Variants in GRM8 observed in about 807,000 individuals in gnomAD.
GRM8 encodes the protein metabotropic glutamate receptor 8.
A neutral mutation model predicts 87.2 loss-of-function variants in GRM8; 47 were observed. The ratio of observed to expected loss-of-function variants is 0.54; its 90% CI spans 0.43 to 0.69. GRM8 has a LOEUF of 0.69. GRM8 is among the 30% of genes least tolerant of loss of function. The probability of loss-of-function intolerance (pLI) is 0.00; values close to 1 mark genes in which losing one functional copy is unlikely to be tolerated. For synonymous variants in GRM8, 396 were observed against 404.5 expected (o/e 0.98, Z 0.25); for missense variants, 1,019 against 1,139.2 (o/e 0.89, Z 1.52).
chr7:127,073,465 TC>T (rs1195635072), intron 3 of GRM8, among the ~76,000 whole-genome samples: 1 of 152,136 alleles, frequency 6.6e-6, no homozygotes, highest in Non-Finnish European at 1.5e-5. Context: ...CTGAGAAGCT[TC>T]CACTTACTCT....
At chr7:126,501,215 G>A (rs561902067) in intron 9 of GRM8, among the ~76,000 whole-genome samples, 2 of 152,130 alleles carry the variant, frequency 1.3e-5, no homozygotes, top group African/African-American at 4.8e-5. Flanking sequence ...ATTAAGTACA[G>A]AAGTGGAAAA....
At position 126,615,135 on chromosome 7, in the gene GRM8, T is replaced by C. The variant is rs1371613552; in HGVS notation, c.1358-5637A>G. ...AGGGCAGCCAGAGAGAAATGTAGGG[T>C]TACCCACAAAGGGAAACCAATTAGA... is the stretch of plus-strand genomic sequence containing the variant. On this transcript the variant is annotated intron_variant, in intron 7 of 10. Coordinates refer to ENST00000339582, the MANE Select transcript of GRM8 (RefSeq NM_000845.3). Among the ~76,000 whole-genome samples the C allele has an allele frequency of 2.0e-5, 3 of 151,748 alleles. No individual in the cohort carries two copies. In the East Asian group the frequency reaches 5.8e-4, roughly 29 times the overall value.
chr7:126,914,157 A>C (rs1803614811), intron 3 of GRM8, among the ~76,000 whole-genome samples: 1 of 152,242 alleles, frequency 6.6e-6, no homozygotes, highest in Non-Finnish European at 1.5e-5. Context: ...GGTGGCTAAC[A>C]AATATACGAA....
chr7:126,538,721 C>T (rs1816162478), intron 8 of GRM8, among the ~76,000 whole-genome samples: 1 of 151,942 alleles, frequency 6.6e-6, no homozygotes, highest in South Asian at 2.1e-4. Context: ...ACTGCATGTG[C>T]AATTACTTCC....
intron 7 of GRM8, among the ~76,000 whole-genome samples, chr7:126,670,666 G>A (rs957640516): frequency 4.6e-5 from 7 of 152,050 alleles, no homozygotes; most frequent in Admixed American, 6.6e-5. Flanking sequence ...TTGGAATAAA[G>A]GAAAAAGTAC....
At chr7:126,501,617 A>G (rs1411393573) in intron 9 of GRM8, among the ~76,000 whole-genome samples, 1 of 152,066 alleles carries the variant, frequency 6.6e-6, no homozygotes, top group Non-Finnish European at 1.5e-5. Context: ...ACAACATTAA[A>G]TAAGAGCAAA....
At position 127,013,254 on chromosome 7, in the gene GRM8, C is replaced by T. The variant is rs114301111; in HGVS notation, c.727+93242G>A. Among the ~76,000 whole-genome samples the T allele has an allele frequency of 2.3e-3, 350 of 152,240 alleles. 4 individuals carry two copies. Among genetic ancestry groups the T allele is most frequent in the African/African-American group, 8.1e-3 (335 of 41,570 alleles). On this transcript the variant is annotated intron_variant, in intron 3 of 10. Coordinates refer to ENST00000339582, the MANE Select transcript of GRM8 (RefSeq NM_000845.3). ...TTCAAGTGATGCCCATTCTGGGCTT[C>T]CCAATCCAGTTTTCTCTGAGCTGTT...
intron 8 of GRM8, among the ~76,000 whole-genome samples, chr7:126,589,620 C>T (rs997620293): frequency 7.2e-5 from 11 of 152,212 alleles, no homozygotes; most frequent in Non-Finnish European, 1.0e-4. Context: ...TATACTACCA[C>T]GGCTCATGCT....
chr7:126,744,612 AC>A (rs1422880408), intron 7 of GRM8, among the ~76,000 whole-genome samples: 3 of 152,064 alleles, frequency 2.0e-5, no homozygotes, highest in Admixed American at 2.0e-4. Context: ...CACAACATAG[AC>A]CAATGAATTT....
intron 7 of GRM8, among the ~76,000 whole-genome samples, chr7:126,727,119 T>C (rs1813078887): frequency 6.6e-6 from 1 of 151,748 alleles, no homozygotes; most frequent in African/African-American, 2.4e-5. Flanking sequence ...TCTAAATATA[T>C]TTAAACCAAA....
At chr7:127,154,233 T>A (rs932469010) in intron 2 of GRM8, among the ~76,000 whole-genome samples, 1 of 152,072 alleles carries the variant, frequency 6.6e-6, no homozygotes, top group South Asian at 2.1e-4. Flanking sequence ...AAATAATAAA[T>A]CACGCCTAGC....
intron 7 of GRM8, among the ~76,000 whole-genome samples, chr7:126,726,243 G>C (rs750562898): frequency 2.0e-5 from 3 of 151,796 alleles, no homozygotes; most frequent in Non-Finnish European, 4.4e-5. Context: ...GTAGAGGATA[G>C]GGAAGTCCCC....
At chr7:126,909,320 C>G (rs1454771674) in intron 3 of GRM8, among the ~76,000 whole-genome samples, 1 of 152,272 alleles carries the variant, frequency 6.6e-6, no homozygotes, top group African/African-American at 2.4e-5. Flanking sequence ...CTCAAAGATA[C>G]GTTTTCCATA....
At chr7:126,538,630 T>C (rs183744460) in intron 8 of GRM8, among the ~76,000 whole-genome samples, 41 of 152,196 alleles carry the variant, frequency 2.7e-4, no homozygotes, top group Admixed American at 3.3e-4. Flanking sequence ...TTGTTAATTA[T>C]TATTAATTAA....
In GRM8 at chr7:127,243,088, G is replaced by A. The variant is rs1255428121; in HGVS notation, c.117C>T (p.Ser39=). 1.2e-6 allele frequency: 2 copies of A among 1,613,846 alleles called. No individual in the cohort carries two copies. The highest frequency in any genetic ancestry group is 2.7e-5 in the African/African-American group (2 of 74,892). The change falls in exon 2 of 11, where the codon TCC becomes TCT. Residue 39 remains serine (S), a synonymous_variant. Coordinates refer to ENST00000339582, the MANE Select transcript of GRM8 (RefSeq NM_000845.3). The part of the protein sequence containing the change: ...QRTHSQEYAH[S]IRVDGDIILG... ...AAATAATGTCCCCATCCACCCGTAT[G>A]GAATGGGCATACTCCTGGCTGTGAG...
chr7:126,793,908 T>G (rs1821649708), intron 6 of GRM8, among the ~76,000 whole-genome samples: 1 of 152,130 alleles, frequency 6.6e-6, no homozygotes, highest in South Asian at 2.1e-4. Context: ...TCTACTAATA[T>G]AAAATGGGCT....
rs181595322 is a variant in GRM8 at position 126,831,595 on chromosome 7, C to T, written c.1157-61530G>A. On this transcript the variant is annotated intron_variant, in intron 6 of 10. Coordinates refer to ENST00000339582, the MANE Select transcript of GRM8 (RefSeq NM_000845.3). ...TGGGAGTGGCCCAGTTTTCCAGGTG[C>T]CGTCTGTCACCCCTTTCCTTGACCA... Among the ~76,000 whole-genome samples, 4 of 152,302 alleles carry T rather than the reference C, an allele frequency of 2.6e-5. No individual in the cohort carries two copies. The East Asian group carries it at 5.8e-4, about 22-fold the overall frequency.
At chr7:126,648,086 C>T (rs758372020) in intron 7 of GRM8, among the ~76,000 whole-genome samples, 32 of 152,076 alleles carry the variant, frequency 2.1e-4, no homozygotes, top group Non-Finnish European at 4.4e-4. Flanking sequence ...TCCTTAAAAC[C>T]GATAGGCTTT....
chr7:126,472,608 A>G lies in GRM8; in HGVS notation c.2431-26236T>C, dbSNP rs975839614. ...ACAATGCAATAGAAAGTGAAAACCC[A>G]TTTTCTGAGGAGAAATTCAAGCCAG... is the stretch of plus-strand genomic sequence containing the variant. On this transcript the variant is annotated intron_variant, in intron 9 of 10. Transcript: ENST00000339582. Among the ~76,000 whole-genome samples, 13 of 152,314 alleles carry G rather than the reference A, an allele frequency of 8.5e-5. 1 individual carries two copies. The highest frequency in any genetic ancestry group is 2.9e-4 in the African/African-American group (12 of 41,578).
Sources: allele counts gnomAD v4.1 joint callset (sites outside exome capture counted in the v4.1 genomes callset), GRCh38; gene constraint gnomAD v4.1.1; transcripts MANE v1.5; gene names NCBI Gene and HGNC (gene_info 2026-07-23, HGNC 2026-07-21).